GATAD2A: variants seen among roughly 807,000 people sequenced by gnomAD.
GATAD2A encodes the protein GATA zinc finger domain containing 2A.
GATAD2A carries 12 observed loss-of-function variants against 68.5 expected under a neutral mutation model. The observed-to-expected ratio is 0.18, with a 90% CI of 0.11 to 0.28. The LOEUF is 0.28. Ranked by LOEUF, GATAD2A falls within the 10% of genes least tolerant of loss-of-function variation. The pLI, the probability that GATAD2A is intolerant of heterozygous loss-of-function variation, is 1.00. For missense variants in GATAD2A, 755 were observed against 868.5 expected (o/e 0.87, Z 1.64); for synonymous variants, 410 against 375.3 (o/e 1.09, Z -1.07).
rs189591040 is a variant in GATAD2A at position 19,483,373 on chromosome 19, G to A, written c.270-8933G>A. ...TCCCATCCCAGCTGCTCACCTCCAC[G>A]GCCTCTGAGGCAGAGAAGCAGAATG... On this transcript the variant is annotated intron_variant, in intron 2 of 11. Transcript: ENST00000683918. Among the ~76,000 whole-genome samples, 416 of 152,276 alleles carry A rather than the reference G, an allele frequency of 2.7e-3. 2 individuals are homozygous for A. The highest frequency in any genetic ancestry group is 7.7e-3 in the South Asian group (37 of 4,828).
At chr19:19,440,431 C>T in intron 1 of GATAD2A, 1 of 218,192 alleles carries the variant, frequency 4.6e-6, no homozygotes, top group South Asian at 4.9e-5. Context: ...CCACCACGCC[C>T]TGCTAATTTT....
rs374730819 is a variant in GATAD2A at position 19,487,748 on chromosome 19, G to A, written c.270-4558G>A. Among the ~76,000 whole-genome samples the A allele has an allele frequency of 3.3e-5, 5 of 152,280 alleles. 1 individual carries two copies. The highest frequency in any genetic ancestry group is 1.2e-4 in the African/African-American group (5 of 41,562). On this transcript the variant is annotated intron_variant, in intron 2 of 11. Transcript: ENST00000683918. ...ATGTCTGTGGGCCAGGCCCCAGGAG[G>A]GCGGGGGATGTTAACAGCTTGGTTC...
At chr19:19,468,148 A>G (rs774256460) in intron 2 of GATAD2A, among the ~76,000 whole-genome samples, 1 of 152,270 alleles carries the variant, frequency 6.6e-6, no homozygotes. Context: ...AGGTGAGAAC[A>G]GTGAGACTGT....
intron 1 of GATAD2A, among the ~76,000 whole-genome samples, chr19:19,461,116 G>T (rs776476602): frequency 1.3e-5 from 2 of 151,398 alleles, no homozygotes; most frequent in Admixed American, 6.6e-5. Context: ...CTGCTGTCGG[G>T]TGAGGAGGCA....
At chr19:19,449,865 A>G (rs757825934) in intron 1 of GATAD2A, among the ~76,000 whole-genome samples, 8 of 152,234 alleles carry the variant, frequency 5.3e-5, no homozygotes, top group Admixed American at 1.3e-4. Context: ...CCTGAAACAC[A>G]TGAGATTGTA....
intron 1 of GATAD2A, among the ~76,000 whole-genome samples, chr19:19,443,994 G>A (rs4808200): frequency 0.36 from 53,972 of 151,918 alleles, 9,850 homozygotes; most frequent in South Asian, 0.51. Flanking sequence ...GCTACTCTTC[G>A]TGGAGCCCTC....
intron 2 of GATAD2A, among the ~76,000 whole-genome samples, chr19:19,486,129 T>C (rs965364519): frequency 5.3e-5 from 8 of 152,074 alleles, no homozygotes; most frequent in Non-Finnish European, 7.4e-5. Context: ...AGTCTGCCCT[T>C]GGGGGGTTTG....
At chr19:19,483,021 G>A (rs2059162462) in intron 2 of GATAD2A, among the ~76,000 whole-genome samples, 1 of 152,060 alleles carries the variant, frequency 6.6e-6, no homozygotes, top group Admixed American at 6.5e-5. Flanking sequence ...GGGCCTCCCT[G>A]GCTGGGCCCT....
At chr19:19,408,263 G>C (rs2050517117) in intron 1 of GATAD2A, among the ~76,000 whole-genome samples, 1 of 152,194 alleles carries the variant, frequency 6.6e-6, no homozygotes, top group Non-Finnish European at 1.5e-5. Context: ...GGGATTACAG[G>C]CGTGAGCCAC....
chr19:19,401,232 GAGA>G (rs1341694936), upstream of GATAD2A, among the ~76,000 whole-genome samples: 5 of 27,182 alleles, frequency 1.8e-4, no homozygotes, highest in Admixed American at 1.3e-3. Context: ...TTTTTTTTTT[GAGA>G]AGGAGTCTCC....
intron 2 of GATAD2A, among the ~76,000 whole-genome samples, chr19:19,481,887 C>T (rs190812931): frequency 6.6e-6 from 1 of 152,246 alleles, no homozygotes; most frequent in African/African-American, 2.4e-5. Flanking sequence ...ATCACCTGAT[C>T]CCAAGAAGTT....
chr19:19,406,245 C>CGGGCG (rs140702307), intron 1 of GATAD2A, among the ~76,000 whole-genome samples: 76,729 of 151,324 alleles, frequency 0.51, 23,226 homozygotes, highest in African/African-American at 0.85. Flanking sequence ...ACGTGGGGGC[C>CGGGCG]GGGCGGGGGT....
chr19:19,475,901 G>C (rs1268870290), intron 2 of GATAD2A, among the ~76,000 whole-genome samples: 1 of 152,182 alleles, frequency 6.6e-6, no homozygotes, highest in East Asian at 1.9e-4. Context: ...GGGGCACCAG[G>C]ATAACAGACT....
intron 2 of GATAD2A, among the ~76,000 whole-genome samples, chr19:19,482,440 G>A (rs1367793865): frequency 6.6e-6 from 1 of 152,186 alleles, no homozygotes; most frequent in African/African-American, 2.4e-5. Flanking sequence ...ATTAGCAGCT[G>A]CCAGTCACAT....
At chr19:19,479,532 G>A (rs1348786351) in intron 2 of GATAD2A, among the ~76,000 whole-genome samples, 2 of 152,142 alleles carry the variant, frequency 1.3e-5, no homozygotes, top group Non-Finnish European at 1.5e-5. Flanking sequence ...TTTGTTTTGG[G>A]TTACCTTGTC....
intron 4 of GATAD2A, 76 bp downstream of exon 4, chr19:19,492,788 C>T (rs1045569329): frequency 8.7e-6 from 13 of 1,496,962 alleles, no homozygotes; most frequent in African/African-American, 4.2e-5. Flanking sequence ...TCAATGTCAG[C>T]GGCCAGAAAG....
intron 1 of GATAD2A, among the ~76,000 whole-genome samples, chr19:19,388,792 A>G (rs1423272618): frequency 6.6e-6 from 1 of 152,030 alleles, no homozygotes; most frequent in Non-Finnish European, 1.5e-5. Flanking sequence ...TGCTGAAAAA[A>G]AATCAAAATA....
At chr19:19,469,964 G>T (rs533402895) in intron 2 of GATAD2A, among the ~76,000 whole-genome samples, 1 of 150,650 alleles carries the variant, frequency 6.6e-6, no homozygotes, top group African/African-American at 2.4e-5. Flanking sequence ...AAAAAAAGAA[G>T]CAAGATTCAG....
chr19:19,486,394 TCC>T (rs2059430978), intron 2 of GATAD2A, among the ~76,000 whole-genome samples: 1 of 152,180 alleles, frequency 6.6e-6, no homozygotes. Flanking sequence ...CATGCTCCTA[TCC>T]CCTTCAAGGT....
Sources: gnomAD v4.1 joint callset for allele counts (sites outside exome capture counted in the v4.1 genomes callset) on GRCh38, gnomAD v4.1.1 for gene constraint, MANE v1.5 for transcripts, NCBI Gene and HGNC (gene_info 2026-07-23, HGNC 2026-07-21) for gene names.